IGFL2: variants seen among roughly 807,000 people sequenced by gnomAD.
The protein encoded by IGFL2 is IGF like family member 2, also known as insulin growth factor-like family member 2.
A neutral mutation model predicts 13.9 loss-of-function variants in IGFL2; 7 were observed. That is an observed-to-expected ratio of 0.51 (90% CI 0.29 to 0.95). The LOEUF (loss-of-function observed/expected upper bound fraction) is 0.95, where lower values mean the gene tolerates loss of function less well. Among genes scored for constraint, IGFL2 ranks in the 40% least tolerant of loss-of-function variants. The pLI, the probability that IGFL2 is intolerant of heterozygous loss-of-function variation, is 0.08. For missense variants in IGFL2, 138 were observed against 147.8 expected, an observed-to-expected ratio of 0.93 and a Z score of 0.34; for synonymous variants, 55 against 55.8, an observed-to-expected ratio of 0.99 and a Z score of 0.07.
the IGFL2 span, among the ~76,000 whole-genome samples, chr19:46,178,129 TAGTC>T: frequency 6.6e-6 from 1 of 151,894 alleles, no homozygotes; most frequent in Non-Finnish European, 1.5e-5. Flanking sequence ...ATAAAAAAAT[TAGTC>T]GGGCATGGTG....
the IGFL2 span, chr19:46,113,200 G>A: frequency 8.6e-5 from 15 of 173,928 alleles, no homozygotes; most frequent in African/African-American, 2.7e-4. Context: ...GGCAAAAAGC[G>A]TTCCGTCCTC....
chr19:46,089,029 T>C, the IGFL2 span, among the ~76,000 whole-genome samples: 6 of 152,216 alleles, frequency 3.9e-5, no homozygotes, highest in African/African-American at 1.4e-4. Flanking sequence ...CTATTTTGTT[T>C]ATTGTTTTAT....
At chr19:46,187,184 C>T in the IGFL2 span, among the ~76,000 whole-genome samples, 2 of 151,890 alleles carry the variant, frequency 1.3e-5, no homozygotes, top group Non-Finnish European at 2.9e-5. Flanking sequence ...TGAGGTTGTG[C>T]TGCTGGTGTG....
At chr19:46,193,285 G>T in the IGFL2 span, among the ~76,000 whole-genome samples, 2 of 152,076 alleles carry the variant, frequency 1.3e-5, no homozygotes, top group African/African-American at 4.8e-5. Context: ...GTGTCGTCCC[G>T]CTCTGTCCTG....
At chr19:46,153,777 T>C (rs1173541121) in intron 1 of IGFL2, among the ~76,000 whole-genome samples, 1 of 150,192 alleles carries the variant, frequency 6.7e-6, no homozygotes, top group East Asian at 1.9e-4. Flanking sequence ...GGTTCTTTTT[T>C]TGGGGTAGCT....
At chr19:46,181,280 A>G in the IGFL2 span, 2 of 152,210 alleles carry the variant, frequency 1.3e-5, no homozygotes, top group Non-Finnish European at 2.9e-5. Flanking sequence ...TTATAGTTCA[A>G]CTTGCAGACA....
chr19:46,108,098 G>T, the IGFL2 span, among the ~76,000 whole-genome samples: 2 of 152,132 alleles, frequency 1.3e-5, no homozygotes, highest in African/African-American at 4.8e-5. Context: ...GGGAGTGGAG[G>T]CCGAGGAAGA....
chr19:46,184,901 C>G, the IGFL2 span, among the ~76,000 whole-genome samples: 1 of 152,180 alleles, frequency 6.6e-6, no homozygotes, highest in South Asian at 2.1e-4. Context: ...TATTTCTCCA[C>G]ATCTTCTGTT....
At position 46,160,594 on chromosome 19, in the gene IGFL2, A is replaced by G. The variant is rs746922245; in HGVS notation, c.74-20A>G. The stretch of plus-strand genomic sequence containing the variant: ...GGTTATCCTTGAGCTCACACCAACA[A>G]TGTCTGTCCATCTGTCCAGCTCCCG... On this transcript the variant is annotated intron_variant, in intron 2 of 3. Coordinates refer to ENST00000377693, the MANE Select transcript of IGFL2 (RefSeq NM_001135113.2). 6.2e-7 allele frequency: 1 copy of G among 1,613,766 alleles called. No homozygotes were observed. The highest frequency in any genetic ancestry group is 8.5e-7 in the Non-Finnish European group (1 of 1,179,758).
chr19:46,175,692 C>T, the IGFL2 span, among the ~76,000 whole-genome samples: 1 of 151,938 alleles, frequency 6.6e-6, no homozygotes, highest in East Asian at 1.9e-4. Context: ...GCGCCCGCCA[C>T]CACACCTGGC....
the IGFL2 span, among the ~76,000 whole-genome samples, chr19:46,101,620 C>T: frequency 6.6e-6 from 1 of 152,242 alleles, no homozygotes; most frequent in Non-Finnish European, 1.5e-5. Context: ...GGCTGTTGCC[C>T]TTCCCCAGTG....
chr19:46,114,844 T>C, the IGFL2 span, among the ~76,000 whole-genome samples: 1 of 152,204 alleles, frequency 6.6e-6, no homozygotes. Context: ...GTGTGAAAAT[T>C]GACTAATACA....
chr19:46,173,198 C>G, the IGFL2 span, among the ~76,000 whole-genome samples: 115 of 152,304 alleles, frequency 7.6e-4, 1 homozygote, highest in African/African-American at 2.6e-3. Context: ...GCTAGACTTT[C>G]TGTTGTCAAC....
Position 46,160,425 on chromosome 19 carries a change from TG to T in IGFL2, c.31del (p.Val11CysfsTer50). On this transcript the variant is annotated frameshift_variant, in exon 2 of 4. Coordinates refer to ENST00000377693, the MANE Select transcript of IGFL2 (RefSeq NM_001135113.2). LOFTEE classifies it high-confidence loss of function. MVPRIFAPAY[V>X]SVCLLLLCPR... ...TTCTTTCTCTCCCAGCTCCTGCTTA[TG>T]TGTCAGTCTGTCTCCTCCTCTTGTG... The T allele has an allele frequency of 6.2e-7, 1 of 1,613,488 alleles. No homozygotes were observed. The highest frequency in any genetic ancestry group is 8.5e-7 in the Non-Finnish European group (1 of 1,179,596).
chr19:46,129,307 T>TTTTTTG, the IGFL2 span, among the ~76,000 whole-genome samples: 2 of 136,950 alleles, frequency 1.5e-5, no homozygotes, highest in African/African-American at 5.7e-5. Context: ...TGTTGATCTT[T>TTTTTTG]TGTGTGTGTG....
the IGFL2 span, among the ~76,000 whole-genome samples, chr19:46,187,813 C>T: frequency 1.3e-4 from 19 of 141,758 alleles, 1 homozygote; most frequent in African/African-American, 5.1e-4. Context: ...GGTTGTGCTG[C>T]TGGTGTGTGC....
At chr19:46,210,264 C>T in the IGFL2 span, 1 of 151,958 alleles carries the variant, frequency 6.6e-6, no homozygotes, top group East Asian at 1.9e-4. Flanking sequence ...AAGAAGATTC[C>T]AGAAGGTGGG....
At chr19:46,098,721 C>T in the IGFL2 span, among the ~76,000 whole-genome samples, 1 of 152,212 alleles carries the variant, frequency 6.6e-6, no homozygotes. Context: ...TCAGGTGATC[C>T]ACCCGCCTCG....
chr19:46,214,142 A>C, the IGFL2 span: 2 of 152,432 alleles, frequency 1.3e-5, no homozygotes, highest in African/African-American at 4.8e-5. Flanking sequence ...AGGTATTGAC[A>C]TCAAAGCATC....
Sources: allele counts gnomAD v4.1 joint callset (sites outside exome capture counted in the v4.1 genomes callset), GRCh38; gene constraint gnomAD v4.1.1; transcripts MANE v1.5; gene names NCBI Gene and HGNC (gene_info 2026-07-23, HGNC 2026-07-21).